NPHP1: variants seen among roughly 807,000 people sequenced by gnomAD.
NPHP1 encodes the protein nephrocystin 1, also known as nephrocystin-1.
In NPHP1, 70 loss-of-function variants were observed where a neutral mutation model predicts 90.4. The ratio of observed to expected loss-of-function variants is 0.77; its 90% CI spans 0.64 to 0.95. NPHP1 has a LOEUF of 0.95. Ranked by LOEUF, NPHP1 falls within the 40% of genes least tolerant of loss-of-function variation. The pLI is 0.00. For missense variants in NPHP1, 764 were observed against 795.9 expected, an observed-to-expected ratio of 0.96 and a Z score of 0.48; for synonymous variants, 256 against 271.7, an observed-to-expected ratio of 0.94 and a Z score of 0.57.
chr2:110,146,904 C>A (rs893006106), intron 13 of NPHP1, 69 bp from the exon 14 acceptor site: 1 of 1,109,938 alleles, frequency 9.0e-7, no homozygotes, highest in Non-Finnish European at 1.4e-6. Flanking sequence ...CATACCAAGT[C>A]CTTTTAAAGG....
chr2:110,200,280 T>C lies in NPHP1; in HGVS notation c.143+1141A>G, dbSNP rs139616303. Reference sequence around the variant, plus strand: ...AAAAAAAATAAAACATAACAATTATTAGGCTGGGCACAGTGGCTCACACCT... The same window carrying C: ...AAAAAAAATAAAACATAACAATTATCAGGCTGGGCACAGTGGCTCACACCT... On this transcript the variant is annotated intron_variant, in intron 2 of 19. Coordinates refer to ENST00000445609, the MANE Select transcript of NPHP1 (RefSeq NM_001128178.3). Among the ~76,000 whole-genome samples, 828 of 134,258 alleles carry C rather than the reference T, an allele frequency of 6.2e-3. 13 individuals carry two copies. The highest frequency in any genetic ancestry group is 0.026 in the Middle Eastern group (4 of 156). The allele number at this position is 134,258 out of a possible 152,430, so 88.1% of individuals were successfully genotyped here. A position where few individuals can be genotyped will look rare whatever the true frequency, so the allele number is the denominator to read the frequency against.
At chr2:110,174,482 G>T (rs1470431383) in intron 4 of NPHP1, among the ~76,000 whole-genome samples, 1 of 152,108 alleles carries the variant, frequency 6.6e-6, no homozygotes, top group Non-Finnish European at 1.5e-5. Flanking sequence ...ATAACTTTAA[G>T]ATAAATAATT....
chr2:110,136,954 C>T (rs1365556952), intron 16 of NPHP1, among the ~76,000 whole-genome samples: 19 of 152,198 alleles, frequency 1.2e-4, no homozygotes, highest in Admixed American at 2.6e-4. Flanking sequence ...CAAAACAGCA[C>T]AGTACTGGTA....
At chr2:110,174,434 A>C (rs545995605) in intron 4 of NPHP1, among the ~76,000 whole-genome samples, 48 of 152,282 alleles carry the variant, frequency 3.2e-4, no homozygotes, top group African/African-American at 1.1e-3. Flanking sequence ...CTAACTTATC[A>C]TAGTCTAATT....
chr2:110,125,500 C>G (rs1679286254), intron 19 of NPHP1, 137 bp downstream of exon 19: 1 of 1,146,810 alleles, frequency 8.7e-7, no homozygotes. Context: ...GTTTTTGCAG[C>G]CATAATGAAA....
chr2:110,149,673 C>T (rs898529443), intron 12 of NPHP1, among the ~76,000 whole-genome samples: 6 of 152,086 alleles, frequency 3.9e-5, no homozygotes, highest in South Asian at 2.1e-4. Context: ...TGGAGGTAGA[C>T]GAAAGTAATG....
chr2:110,201,205 C>T (rs764280361), intron 2 of NPHP1, among the ~76,000 whole-genome samples: 3 of 152,106 alleles, frequency 2.0e-5, no homozygotes, highest in Non-Finnish European at 2.9e-5. Flanking sequence ...TAATCCTGCC[C>T]ATGTCACCTA....
intron 18 of NPHP1, 83 bp downstream of exon 18, chr2:110,129,103 A>G (rs2104428148): frequency 1.0e-6 from 1 of 964,354 alleles, no homozygotes; most frequent in African/African-American, 1.9e-5. Context: ...ACAAAAAAAA[A>G]GGCCTAGACA....
rs772662589 is a variant in NPHP1 at position 110,178,381 on chromosome 2, T to C, written c.329+42A>G. The C allele has an allele frequency of 5.6e-5, 89 of 1,592,176 alleles. 2 individuals carry two copies. Among genetic ancestry groups the C allele is most frequent in the Non-Finnish European group, 7.2e-5 (84 of 1,161,314 alleles). On this transcript the variant is annotated intron_variant, in intron 4 of 19. Coordinates refer to ENST00000445609, the MANE Select transcript of NPHP1 (RefSeq NM_001128178.3). ...TTAAACATTAAAGCTATTGGTGATA[T>C]ATCTTTAAAAAAGAAAAAAGAAAGG...
At chr2:110,127,368 T>C (rs972834647) in intron 18 of NPHP1, 2 of 152,224 alleles carry the variant, frequency 1.3e-5, no homozygotes, top group Non-Finnish European at 2.9e-5. Context: ...TAATACACTA[T>C]GCCACGGAGA....
chr2:110,123,545 T>C lies in NPHP1; in HGVS notation c.*246A>G, dbSNP rs935434865. 1 of 400,226 alleles carries C rather than the reference T, an allele frequency of 2.5e-6. No homozygotes were observed. Among genetic ancestry groups the C allele is most frequent in the Non-Finnish European group, 4.4e-6 (1 of 226,466 alleles). The allele number at this position is 400,226 out of a possible 1,614,324, so 24.8% of individuals were successfully genotyped here. On this transcript the variant is annotated 3_prime_UTR_variant, in exon 20 of 20. Transcript: ENST00000445609. ...TCTATACCATTAACTTAAGTAGCTG[T>C]TTTTGAAAAAATAAATACTGTTTAA...
chr2:110,125,067 TACA>T, intron 19 of NPHP1: 2 of 811,934 alleles, frequency 2.5e-6, no homozygotes, highest in Non-Finnish European at 3.6e-6. Flanking sequence ...GCTTTTGTGT[TACA>T]ACACCAGAGC....
chr2:110,138,135 G>A (rs1023122535), intron 16 of NPHP1, among the ~76,000 whole-genome samples: 6 of 151,796 alleles, frequency 4.0e-5, no homozygotes, highest in Admixed American at 2.0e-4. Flanking sequence ...GAGAACACAC[G>A]GACACAGGAA....
intron 12 of NPHP1, among the ~76,000 whole-genome samples, chr2:110,149,342 A>C (rs1681293493): frequency 6.6e-6 from 1 of 152,136 alleles, no homozygotes; most frequent in Admixed American, 6.5e-5. Flanking sequence ...ATTCTACCCT[A>C]AACTCTTCAC....
At chr2:110,165,180 T>C (rs1682637999) in intron 6 of NPHP1, 25 bp from the exon 7 acceptor site, 1 of 1,574,708 alleles carries the variant, frequency 6.4e-7, no homozygotes, top group Non-Finnish European at 8.7e-7. Context: ...AAATGTGAAG[T>C]GCTTTTTAAC....
intron 19 of NPHP1, chr2:110,125,299 C>G: frequency 6.5e-7 from 1 of 1,532,914 alleles, no homozygotes; most frequent in East Asian, 2.4e-5. Context: ...TTTTTCCCTT[C>G]TCTTGGTGAT....
At chr2:110,196,511 G>C (rs921646055) in intron 2 of NPHP1, among the ~76,000 whole-genome samples, 2 of 152,164 alleles carry the variant, frequency 1.3e-5, no homozygotes, top group Non-Finnish European at 2.9e-5. Flanking sequence ...AACAACAAGT[G>C]CTGGAGAGGA....
intron 8 of NPHP1, chr2:110,163,940 T>A (rs1682531564): frequency 6.4e-6 from 1 of 156,214 alleles, no homozygotes. Flanking sequence ...GGATTACAGG[T>A]GTGAGCCACT....
At chr2:110,153,369 A>G (rs73954624) in intron 11 of NPHP1, among the ~76,000 whole-genome samples, 1,719 of 152,318 alleles carry the variant, frequency 0.011, 28 homozygotes, top group African/African-American at 0.04. Context: ...GGAAGAAAGA[A>G]TAAACAATGG....
Sources: allele counts gnomAD v4.1 joint callset (sites outside exome capture counted in the v4.1 genomes callset), GRCh38; gene constraint gnomAD v4.1.1; transcripts MANE v1.5; gene names NCBI Gene and HGNC (gene_info 2026-07-23, HGNC 2026-07-21).